TSHZ2: variants seen among roughly 807,000 people sequenced by gnomAD.
TSHZ2 encodes the protein teashirt zinc finger homeobox 2.
TSHZ2 carries 21 observed loss-of-function variants against 74.4 expected under a neutral mutation model. That is an observed-to-expected ratio of 0.28 (90% CI 0.20 to 0.41). TSHZ2 has a LOEUF of 0.41. Among genes scored for constraint, TSHZ2 ranks in the 10% least tolerant of loss-of-function variants. The pLI is 1.00. For synonymous variants in TSHZ2, 540 were observed against 515.3 expected, an observed-to-expected ratio of 1.05 and a Z score of -0.65; for missense variants, 1,244 against 1,293.5, an observed-to-expected ratio of 0.96 and a Z score of 0.59.
intron 1 of TSHZ2, among the ~76,000 whole-genome samples, chr20:53,207,858 C>CTTTTTTT (rs58457116): frequency 4.1e-5 from 4 of 96,686 alleles, no homozygotes; most frequent in East Asian, 2.9e-4. Flanking sequence ...CATTGTTTTA[C>CTTTTTTT]TTTTTTTTTT....
chr20:53,001,206 G>A (rs796741831), intron 1 of TSHZ2, among the ~76,000 whole-genome samples: 4 of 31,374 alleles, frequency 1.3e-4, no homozygotes, highest in Admixed American at 3.9e-4. Context: ...GTTCATGTGC[G>A]TGTGTGTGTG....
chr20:53,196,685 A>AAT (rs1368952208), intron 1 of TSHZ2, among the ~76,000 whole-genome samples: 1 of 152,198 alleles, frequency 6.6e-6, no homozygotes, highest in Non-Finnish European at 1.5e-5. Context: ...GCAGACAAAA[A>AAT]ATATATATAC....
chr20:53,024,564 G>GT (rs1322611226), intron 1 of TSHZ2, among the ~76,000 whole-genome samples: 1 of 151,816 alleles, frequency 6.6e-6, no homozygotes, highest in Non-Finnish European at 1.5e-5. Flanking sequence ...GGTTACATAG[G>GT]TATACACGTG....
At chr20:53,316,155 G>A (rs1157228523) in intron 2 of TSHZ2, among the ~76,000 whole-genome samples, 1 of 152,124 alleles carries the variant, frequency 6.6e-6, no homozygotes, top group Non-Finnish European at 1.5e-5. Flanking sequence ...TGAGTCTTGG[G>A]GTAAGGAAGA....
At chr20:53,432,745 G>GT (rs1268541490) in intron 2 of TSHZ2, among the ~76,000 whole-genome samples, 1 of 152,042 alleles carries the variant, frequency 6.6e-6, no homozygotes, top group Non-Finnish European at 1.5e-5. Context: ...TGAGAATTTT[G>GT]TTTTTTTCAG....
chr20:53,263,742 C>T (rs1990651285), intron 2 of TSHZ2, among the ~76,000 whole-genome samples: 1 of 152,142 alleles, frequency 6.6e-6, no homozygotes, highest in Admixed American at 6.5e-5. Context: ...TGTTCTTTGT[C>T]CCCTCTCCCC....
At chr20:53,258,420 C>T (rs1284964372) in intron 2 of TSHZ2, among the ~76,000 whole-genome samples, 1 of 152,020 alleles carries the variant, frequency 6.6e-6, no homozygotes, top group South Asian at 2.1e-4. Context: ...ATTTCAAATC[C>T]AATAGTGGTG....
intron 1 of TSHZ2, among the ~76,000 whole-genome samples, chr20:53,015,546 T>C (rs1983005157): frequency 6.6e-6 from 1 of 152,154 alleles, no homozygotes. Context: ...GGATGGGGCC[T>C]CTTCTGTCTG....
chr20:53,251,758 T>C (rs922091482), intron 1 of TSHZ2, among the ~76,000 whole-genome samples: 6 of 152,250 alleles, frequency 3.9e-5, no homozygotes, highest in African/African-American at 1.4e-4. Flanking sequence ...CATGGGCTCT[T>C]GTCTCCAGTT....
chr20:53,463,162 G>A (rs1490808017), intron 2 of TSHZ2, among the ~76,000 whole-genome samples: 1 of 152,178 alleles, frequency 6.6e-6, no homozygotes, highest in Non-Finnish European at 1.5e-5. Context: ...GCCTTTATAT[G>A]CAGTGGTGCA....
chr20:53,256,001 G>A lies in TSHZ2; in HGVS notation c.2543G>A (p.Trp848Ter). The A allele has an allele frequency of 6.2e-7, 1 of 1,613,548 alleles. No homozygotes were observed. The highest frequency in any genetic ancestry group is 8.5e-7 in the Non-Finnish European group (1 of 1,179,628). The change falls in exon 2 of 3, where the codon TGG becomes TAG. Residue 848 changes from tryptophan (W) to a stop codon, truncating the protein, a stop_gained. Transcript: ENST00000371497. LOFTEE classifies it high-confidence loss of function. The surrounding 1 kb of genome is among the most constrained non-coding windows in gnomAD (Gnocchi z 4.3). ...LHKRKGRQSNWNPQHLLILQA... is the reference protein window; with the variant it reads ...LHKRKGRQSN Reference sequence around the variant, plus strand: ...AAAAGAAAAGGCCGGCAGTCCAACTGGAATCCTCAGCATCTTCTGATTCTA... The same window carrying A: ...AAAAGAAAAGGCCGGCAGTCCAACTAGAATCCTCAGCATCTTCTGATTCTA...
At chr20:52,984,811 T>C (rs1981693958) in intron 1 of TSHZ2, among the ~76,000 whole-genome samples, 1 of 152,090 alleles carries the variant, frequency 6.6e-6, no homozygotes, top group African/African-American at 2.4e-5. Flanking sequence ...GGAAGAGCCA[T>C]GACAGTGGTC....
At chr20:53,470,544 G>A (rs111871326) in intron 2 of TSHZ2, among the ~76,000 whole-genome samples, 3,572 of 152,170 alleles carry the variant, frequency 0.023, 126 homozygotes, top group African/African-American at 0.08. Flanking sequence ...GGCCGGGCGC[G>A]GTGGCTCATG....
At chr20:53,106,210 T>C (rs1244559097) in intron 1 of TSHZ2, among the ~76,000 whole-genome samples, 1 of 152,078 alleles carries the variant, frequency 6.6e-6, no homozygotes, top group Non-Finnish European at 1.5e-5. Context: ...ACTGTAATTT[T>C]GTACCCATTG....
chr20:53,011,941 G>A (rs1171128559), intron 1 of TSHZ2, among the ~76,000 whole-genome samples: 2 of 152,080 alleles, frequency 1.3e-5, no homozygotes, highest in Non-Finnish European at 2.9e-5. Flanking sequence ...TATGAGGTAG[G>A]TACAATTGCC....
chr20:53,252,494 T>C (rs1990354606), intron 1 of TSHZ2, among the ~76,000 whole-genome samples: 2 of 152,220 alleles, frequency 1.3e-5, no homozygotes, highest in Admixed American at 1.3e-4. Flanking sequence ...AATGAGCCCA[T>C]AGGCATAATG....
At chr20:53,478,240 T>C (rs1986040130) in intron 2 of TSHZ2, among the ~76,000 whole-genome samples, 1 of 150,598 alleles carries the variant, frequency 6.6e-6, no homozygotes, top group African/African-American at 2.5e-5. Context: ...TTATTCACAA[T>C]AGCAAAGACT....
chr20:53,125,297 TG>T (rs1344941110), intron 1 of TSHZ2, among the ~76,000 whole-genome samples: 8 of 152,230 alleles, frequency 5.3e-5, no homozygotes, highest in African/African-American at 1.9e-4. Flanking sequence ...AAGTCCTCCC[TG>T]GGCATAAGTC....
chr20:52,996,999 TCGCTCAAGCA>T (rs1482508329), intron 1 of TSHZ2, among the ~76,000 whole-genome samples: 1 of 151,842 alleles, frequency 6.6e-6, no homozygotes, highest in Non-Finnish European at 1.5e-5. Context: ...TAAATTGAGC[TCGCTCAAGCA>T]CGAGGGGGTG....
Sources: gnomAD v4.1 joint callset for allele counts (sites outside exome capture counted in the v4.1 genomes callset) on GRCh38, gnomAD v4.1.1 for gene constraint, Gnocchi (gnomAD v3.1) non-coding constraint, MANE v1.5 for transcripts, NCBI Gene and HGNC (gene_info 2026-07-23, HGNC 2026-07-21) for gene names.